KLHL23: variants seen among roughly 807,000 people sequenced by gnomAD.
KLHL23 encodes kelch-like protein 23.
KLHL23 carries 33 observed loss-of-function variants against 48.9 expected under a neutral mutation model. The ratio of observed to expected loss-of-function variants is 0.67; its 90% CI spans 0.51 to 0.90. KLHL23 has a LOEUF of 0.90. Among genes scored for constraint, KLHL23 ranks in the 40% least tolerant of loss-of-function variants. The probability of loss-of-function intolerance (pLI) is 0.00; values close to 1 mark genes in which losing one functional copy is unlikely to be tolerated. For missense variants in KLHL23, 608 were observed against 669.6 expected, an observed-to-expected ratio of 0.91 and a Z score of 1.02; for synonymous variants, 234 against 231.6, an observed-to-expected ratio of 1.01 and a Z score of -0.09.
At position 169,749,497 on chromosome 2, in the gene KLHL23, A is replaced by G. The variant is rs745997628; in HGVS notation, c.1442A>G (p.Tyr481Cys). ...VGGQTTITEC[Y>C]DPEQNEWREI... ...GGACAAACTACAATCACAGAATGCT[A>G]TGACCCTGAACAAAATGAATGGAGA... The change falls in exon 4 of 4, where the codon TAT becomes TGT. Residue 481 changes from tyrosine to cysteine, a missense_variant. Tyr to Cys is a radical substitution (Grantham distance 194). Transcript: ENST00000392647. 1.7e-5 allele frequency: 28 copies of G among 1,614,126 alleles called. No homozygotes were observed. Among genetic ancestry groups the G allele is most frequent in the Non-Finnish European group, 2.4e-5 (28 of 1,180,018 alleles).
rs553934382 is a variant in KLHL23, at chr2:169,743,420, A to G, written c.1366+1883A>G. The stretch of plus-strand genomic sequence containing the variant: ...AATTATAATATAAATCAATGGTAAC[A>G]TAATATGCATCCACATGTAGTTTTG... On this transcript the variant is annotated intron_variant, in intron 3 of 3. Transcript: ENST00000392647. Among the ~76,000 whole-genome samples, 14 of 152,350 alleles carry G rather than the reference A, an allele frequency of 9.2e-5. No homozygotes were observed. The South Asian group carries it at 2.9e-3, about 32-fold the overall frequency.
Position 169,735,185 on chromosome 2 carries a change from T to C in KLHL23, c.171T>C (p.Ala57=). 1 of 1,611,200 alleles carries C rather than the reference T, an allele frequency of 6.2e-7. No homozygotes were observed. Among genetic ancestry groups the C allele is most frequent in the Middle Eastern group, 1.7e-4 (1 of 6,044 alleles). ...IFHCHRAVLA[A]CSNYFKAMFT... ...ATTGTCACCGAGCCGTTTTAGCTGC[T>C]TGCAGCAATTATTTTAAGGCAATGT... The change falls in exon 2 of 4, where the codon GCT becomes GCC. Residue 57 remains alanine (A), a synonymous_variant. Transcript: ENST00000392647. The surrounding 1 kb of genome is among the most constrained non-coding windows in gnomAD (Gnocchi z 4.5).
Position 169,749,762 on chromosome 2 carries a change from CT to C in KLHL23, c.*36del, listed in dbSNP as rs1214051266. 1.3e-6 allele frequency: 2 copies of C among 1,554,856 alleles called. No individual in the cohort carries two copies. Among genetic ancestry groups the C allele is most frequent in the East Asian group, 4.5e-5 (2 of 44,056 alleles). On this transcript the variant is annotated 3_prime_UTR_variant, in exon 4 of 4. Coordinates refer to ENST00000392647, the MANE Select transcript of KLHL23 (RefSeq NM_144711.6). Reference sequence around the variant, plus strand: ...ATCTGCAGAAATGACCAAGCAATCACTTTTTTGGAGTATAGTTTTATAAAAA... The same window carrying C: ...ATCTGCAGAAATGACCAAGCAATCACTTTTTGGAGTATAGTTTTATAAAAA...
intron 3 of KLHL23, among the ~76,000 whole-genome samples, chr2:169,742,834 G>C (rs757347468): frequency 2.6e-5 from 4 of 152,194 alleles, no homozygotes; most frequent in Admixed American, 6.5e-5. Flanking sequence ...TAATGGAAAG[G>C]AATAGTAACA....
chr2:169,736,767 T>C (rs933125163), intron 2 of KLHL23, among the ~76,000 whole-genome samples: 1 of 152,224 alleles, frequency 6.6e-6, no homozygotes, highest in African/African-American at 2.4e-5. Context: ...GTTTGGCGAT[T>C]TGTTTGCCTT....
At chr2:169,734,313 G>C (rs1455455539) in intron 1 of KLHL23, among the ~76,000 whole-genome samples, 1 of 147,592 alleles carries the variant, frequency 6.8e-6, no homozygotes, top group South Asian at 2.1e-4. Flanking sequence ...GCCGGGCAGA[G>C]GGACGCGGGC....
intron 2 of KLHL23, among the ~76,000 whole-genome samples, chr2:169,740,766 TTATATATATATA>T (rs55779546): frequency 2.4e-4 from 30 of 125,516 alleles, no homozygotes; most frequent in Admixed American, 2.2e-3. Flanking sequence ...CTTTTTTATA[TTATATATATATA>T]TATATATATA....
At chr2:169,743,610 G>T (rs1333244075) in intron 3 of KLHL23, among the ~76,000 whole-genome samples, 1 of 152,106 alleles carries the variant, frequency 6.6e-6, no homozygotes. Context: ...CATTATTTCT[G>T]TCCTTTAAAA....
chr2:169,748,289 C>T lies in KLHL23; in HGVS notation c.1367-1133C>T, dbSNP rs117481374. 9.9e-5 allele frequency among the ~76,000 whole-genome samples: 15 copies of T among 152,270 alleles called. No individual in the cohort carries two copies. The East Asian group carries it at 2.5e-3, about 25-fold the overall frequency. ...GACAAGACCGGAATGACAGGAAGGA[C>T]GCAGCTGTGCAGAGACCTGGGGAGA... On this transcript the variant is annotated intron_variant, in intron 3 of 3. Transcript: ENST00000392647.
intron 1 of KLHL23, among the ~76,000 whole-genome samples, chr2:169,734,763 G>A (rs201896356): frequency 1.9e-4 from 29 of 152,140 alleles, no homozygotes; most frequent in African/African-American, 6.7e-4. Context: ...GAATGGAATA[G>A]CAAATCAGTA....
chr2:169,738,161 C>A (rs1047000426), intron 2 of KLHL23, among the ~76,000 whole-genome samples: 3 of 152,212 alleles, frequency 2.0e-5, no homozygotes, highest in Non-Finnish European at 4.4e-5. Flanking sequence ...TATATCTAGT[C>A]ATCCCAGGGA....
Position 169,735,772 on chromosome 2 carries a change from G to A in KLHL23, c.758G>A (p.Arg253His), listed in dbSNP as rs753904002. The A allele has an allele frequency of 7.4e-6, 12 of 1,613,860 alleles. No individual in the cohort carries two copies. The highest frequency in any genetic ancestry group is 3.3e-5 in the South Asian group (3 of 91,070). ...TGCCTGCTCACCGAAAATAAGATCC[G>A]CTCCCTAATATACAATGCCTTGAAT... ...RSCLLTENKI[R>H]SLIYNALNPM... The change falls in exon 2 of 4, where the codon CGC becomes CAC. Residue 253 changes from arginine to histidine, a missense_variant. Around this residue, in one of 3 missense-constraint regions of KLHL23, gnomAD observed 419 missense variants for 473.1 expected, o/e 0.89. Coordinates refer to ENST00000392647, the MANE Select transcript of KLHL23 (RefSeq NM_144711.6). The surrounding 1 kb of genome is among the most constrained non-coding windows in gnomAD (Gnocchi z 4.5).
At chr2:169,737,619 C>CTTTTTCTTTTTCT in intron 2 of KLHL23, among the ~76,000 whole-genome samples, 1 of 142,636 alleles carries the variant, frequency 7.0e-6, no homozygotes, top group Non-Finnish European at 1.5e-5. Flanking sequence ...TTTTCTTTTT[C>CTTTTTCTTTTTCT]TTTTTTTTTT....
chr2:169,739,133 A>T (rs1399308937), intron 2 of KLHL23, among the ~76,000 whole-genome samples: 1 of 136,952 alleles, frequency 7.3e-6, no homozygotes, highest in Non-Finnish European at 1.5e-5. Flanking sequence ...TTTCCAGCTC[A>T]GGACCTCAAA....
chr2:169,747,692 A>T (rs1688827861), intron 3 of KLHL23, among the ~76,000 whole-genome samples: 2 of 150,604 alleles, frequency 1.3e-5, no homozygotes, highest in Non-Finnish European at 3.0e-5. Context: ...ACACATTGGG[A>T]CACAAGCGTA....
Position 169,735,899 on chromosome 2 carries a change from G to A in KLHL23, c.885G>A (p.Leu295=), listed in dbSNP as rs1382485078. 3.1e-6 allele frequency: 5 copies of A among 1,614,124 alleles called. No individual in the cohort carries two copies. The highest frequency in any genetic ancestry group is 4.2e-6 in the Non-Finnish European group (5 of 1,180,046). ...PLSEVHIWDP[L]TNVWIQGAEI... ...CAGAGGTTCACATATGGGATCCTTT[G>A]ACAAATGTTTGGATTCAGGGAGCAG... The change falls in exon 2 of 4, where the codon TTG becomes TTA. Residue 295 remains leucine, a synonymous_variant. Coordinates refer to ENST00000392647, the MANE Select transcript of KLHL23 (RefSeq NM_144711.6). The surrounding 1 kb of genome is among the most constrained non-coding windows in gnomAD (Gnocchi z 4.5).
intron 2 of KLHL23, among the ~76,000 whole-genome samples, chr2:169,740,768 ATATATATAT>A (rs1558947740): frequency 7.2e-5 from 3 of 41,858 alleles, no homozygotes; most frequent in East Asian, 5.5e-4. Context: ...TTTTTATATT[ATATATATAT>A]ATATATATAT....
At chr2:169,737,796 G>A (rs565295093) in intron 2 of KLHL23, among the ~76,000 whole-genome samples, 4 of 152,140 alleles carry the variant, frequency 2.6e-5, no homozygotes, top group Middle Eastern at 3.4e-3. Flanking sequence ...TGTATTTTTA[G>A]TAGAGACGGG....
Position 169,741,511 on chromosome 2 carries a change from G to T in KLHL23, c.1340G>T (p.Ser447Ile). 9.9e-6 allele frequency: 16 copies of T among 1,613,834 alleles called. No homozygotes were observed. Among genetic ancestry groups the T allele is most frequent in the Non-Finnish European group, 1.4e-5 (16 of 1,179,864 alleles). The stretch of plus-strand genomic sequence containing the variant: ...TACAATTCCGATATCAACGAATGGA[G>T]CCTCATCACCTCCAGTCCACATCCA... The part of the protein sequence containing the change: ...QSYNSDINEW[S>I]LITSSPHPEY... Residue 447 changes from serine to isoleucine, a missense_variant, in exon 3 of 4, where the codon AGC (serine) becomes ATC (isoleucine). Ser to Ile is a moderately radical substitution (Grantham distance 142, BLOSUM62 -2). This residue lies in a region of KLHL23 where 179 missense variants were observed against 169.9 expected (regional missense o/e 1.05). Coordinates refer to ENST00000392647, the MANE Select transcript of KLHL23 (RefSeq NM_144711.6).
Sources: allele counts gnomAD v4.1 joint callset (sites outside exome capture counted in the v4.1 genomes callset), GRCh38; gene constraint gnomAD v4.1.1; regional missense constraint gnomAD v4.1.1; non-coding constraint Gnocchi (gnomAD v3.1); transcripts MANE v1.5; gene names NCBI Gene and HGNC (gene_info 2026-07-23, HGNC 2026-07-21).